NDST4: variants seen among roughly 807,000 people sequenced by gnomAD.
The protein encoded by NDST4 is N-deacetylase and N-sulfotransferase 4.
Under a neutral mutation model 100.8 loss-of-function variants are expected in NDST4, and 63 were observed. The ratio of observed to expected loss-of-function variants is 0.62; its 90% CI spans 0.51 to 0.77. The LOEUF (loss-of-function observed/expected upper bound fraction) is 0.77. Among genes scored for constraint, NDST4 ranks in the 30% least tolerant of loss-of-function variants. The probability of loss-of-function intolerance (pLI) is 0.00; values close to 1 mark genes in which losing one functional copy is unlikely to be tolerated. For missense variants in NDST4, 943 were observed against 1,018.4 expected (o/e 0.93, Z 1.01); for synonymous variants, 377 against 361.8 (o/e 1.04, Z -0.48).
intron 10 of NDST4, among the ~76,000 whole-genome samples, chr4:114,845,508 C>T (rs1723528502): frequency 6.6e-6 from 1 of 152,172 alleles, no homozygotes. Flanking sequence ...TGTATTGTCA[C>T]TCTAGAAACT....
chr4:115,018,366 G>GT (rs978684462), intron 2 of NDST4, among the ~76,000 whole-genome samples: 3 of 151,882 alleles, frequency 2.0e-5, no homozygotes, highest in African/African-American at 7.2e-5. Flanking sequence ...TTTTAGTTTT[G>GT]TTTACAAAAT....
In NDST4 at chr4:114,935,385, T is replaced by G. The variant is rs373905866; in HGVS notation, c.1408-51A>C. The G allele has an allele frequency of 2.7e-6, 4 of 1,465,918 alleles. No homozygotes were observed. In the African/African-American group the frequency reaches 4.3e-5, roughly 16 times the overall value. The allele number at this position is 1,465,918 out of a possible 1,614,324, so 90.8% of individuals were successfully genotyped here. On this transcript the variant is annotated intron_variant, in intron 5 of 13. Coordinates refer to ENST00000264363, the MANE Select transcript of NDST4 (RefSeq NM_022569.3). ...ACATGGACGTGATTTAATTAAGAAC[T>G]TCACCTGTGTCTCATAACTTTAGAA...
chr4:115,049,666 A>G (rs984827447), intron 2 of NDST4, among the ~76,000 whole-genome samples: 7 of 152,216 alleles, frequency 4.6e-5, no homozygotes, highest in African/African-American at 1.7e-4. Context: ...GAGAAGGGCA[A>G]TGATTAAAGA....
intron 6 of NDST4, among the ~76,000 whole-genome samples, chr4:114,901,974 T>C (rs1724850750): frequency 6.6e-6 from 1 of 152,018 alleles, no homozygotes; most frequent in Admixed American, 6.6e-5. Flanking sequence ...AATTTCTCCT[T>C]CCAATGTTTG....
At chr4:115,100,306 G>T (rs766413634) in intron 1 of NDST4, among the ~76,000 whole-genome samples, 2 of 152,064 alleles carry the variant, frequency 1.3e-5, no homozygotes, top group East Asian at 3.9e-4. Flanking sequence ...AACACCAAGT[G>T]TGTGCCCTGA....
intron 2 of NDST4, among the ~76,000 whole-genome samples, chr4:115,012,025 T>A (rs1387206830): frequency 1.3e-5 from 2 of 151,710 alleles, no homozygotes; most frequent in Admixed American, 1.3e-4. Flanking sequence ...AGGAGTAAAG[T>A]GAATAAAGTA....
intron 7 of NDST4, among the ~76,000 whole-genome samples, chr4:114,864,394 C>T (rs1723980340): frequency 6.6e-6 from 1 of 152,032 alleles, no homozygotes; most frequent in African/African-American, 2.4e-5. Flanking sequence ...TCCAATTGGC[C>T]TGTGTTGTTT....
At chr4:115,009,485 T>C (rs1247236257) in intron 2 of NDST4, among the ~76,000 whole-genome samples, 1 of 125,276 alleles carries the variant, frequency 8.0e-6, no homozygotes, top group African/African-American at 3.1e-5. Context: ...TAGCCATATG[T>C]AGAAAGCTGA....
At chr4:114,905,097 C>T (rs1724921397) in intron 6 of NDST4, among the ~76,000 whole-genome samples, 1 of 151,234 alleles carries the variant, frequency 6.6e-6, no homozygotes, top group Middle Eastern at 3.2e-3. Context: ...TCTTCATCTA[C>T]CCTGTCAAAA....
At chr4:114,883,775 C>T (rs953924702) in intron 6 of NDST4, among the ~76,000 whole-genome samples, 2 of 152,038 alleles carry the variant, frequency 1.3e-5, no homozygotes, top group African/African-American at 2.4e-5. Flanking sequence ...GGAATGGTTT[C>T]GGATGAATCT....
chr4:115,087,180 T>C (rs1056503605), intron 1 of NDST4, among the ~76,000 whole-genome samples: 3 of 152,064 alleles, frequency 2.0e-5, no homozygotes, highest in Non-Finnish European at 4.4e-5. Flanking sequence ...GATAAATCTG[T>C]GACTCTGTCT....
chr4:114,899,277 A>G (rs1724784237), intron 6 of NDST4, among the ~76,000 whole-genome samples: 1 of 152,170 alleles, frequency 6.6e-6, no homozygotes, highest in South Asian at 2.1e-4. Context: ...TCCCAGGTTC[A>G]AGGCATTCTC....
intron 2 of NDST4, among the ~76,000 whole-genome samples, chr4:115,048,827 C>T (rs1027959387): frequency 5.3e-5 from 8 of 151,676 alleles, no homozygotes; most frequent in South Asian, 2.1e-4. Context: ...TTAGTAGAGA[C>T]GGGGTTTCAA....
At chr4:114,973,082 A>G (rs945097952) in intron 3 of NDST4, among the ~76,000 whole-genome samples, 5 of 152,064 alleles carry the variant, frequency 3.3e-5, no homozygotes, top group Admixed American at 6.6e-5. Context: ...CAGCTTAATA[A>G]AAAATATGAT....
intron 2 of NDST4, among the ~76,000 whole-genome samples, chr4:115,070,750 G>A (rs2126287428): frequency 6.6e-6 from 1 of 152,222 alleles, no homozygotes; most frequent in South Asian, 2.1e-4. Context: ...ATATATTGTA[G>A]ATAGCTTAGG....
intron 5 of NDST4, among the ~76,000 whole-genome samples, chr4:114,936,300 T>C (rs1197148142): frequency 6.6e-6 from 1 of 152,196 alleles, no homozygotes; most frequent in Non-Finnish European, 1.5e-5. Context: ...CTCTTAAATC[T>C]GAGGCTTCTT....
In NDST4 at chr4:114,929,041, TGTCCGTCCGTCCGTCCGTCCGTCC is replaced by T. The variant is rs1227310987; in HGVS notation, c.1536+6141_1536+6164del. On this transcript the variant is annotated intron_variant, in intron 6 of 13. Coordinates refer to ENST00000264363, the MANE Select transcript of NDST4 (RefSeq NM_022569.3). The stretch of plus-strand genomic sequence containing the variant: ...CTATCTATCTGTCTGTCTGTCTGTC[TGTCCGTCCGTCCGTCCGTCCGTCC>T]GTCCGTCCGTCCATCCATCCATCCA... 1.8e-3 allele frequency among the ~76,000 whole-genome samples: 224 copies of T among 122,026 alleles called. 4 individuals carry two copies. In the South Asian group the frequency reaches 0.069, roughly 38 times the overall value. The allele number at this position is 122,026 out of a possible 152,430, so 80.1% of individuals were successfully genotyped here.
chr4:115,019,703 T>C (rs1279531853), intron 2 of NDST4, among the ~76,000 whole-genome samples: 1 of 152,124 alleles, frequency 6.6e-6, no homozygotes, highest in Non-Finnish European at 1.5e-5. Flanking sequence ...ATTACCATTG[T>C]AATGGAATAA....
At chr4:114,925,314 C>T (rs1395022889) in intron 6 of NDST4, among the ~76,000 whole-genome samples, 1 of 152,110 alleles carries the variant, frequency 6.6e-6, no homozygotes, top group Non-Finnish European at 1.5e-5. Context: ...TTTTGTTGCT[C>T]TGCACATAAA....
Sources: allele counts gnomAD v4.1 joint callset (sites outside exome capture counted in the v4.1 genomes callset), GRCh38; gene constraint gnomAD v4.1.1; transcripts MANE v1.5; gene names NCBI Gene and HGNC (gene_info 2026-07-23, HGNC 2026-07-21).